The following SCAPER variants were observed in gnomAD, a reference collection of about 807,000 sequenced individuals.
SCAPER encodes S phase cyclin A-associated protein in the endoplasmic reticulum.
Under a neutral mutation model 182.2 loss-of-function variants are expected in SCAPER, and 98 were observed. The observed-to-expected ratio is 0.54, with a 90% confidence interval of 0.46 to 0.64. The LOEUF is 0.64. SCAPER is among the 30% of genes least tolerant of loss of function. SCAPER has a pLI of 0.00. For missense variants in SCAPER, 1,432 were observed against 1,690.0 expected (o/e 0.85, Z 2.68); for synonymous variants, 605 against 564.6 (o/e 1.07, Z -1.01).
At chr15:76,813,973 G>A (rs62029182) in intron 5 of SCAPER, among the ~76,000 whole-genome samples, 10,207 of 152,040 alleles carry the variant, frequency 0.067, 379 homozygotes, top group Middle Eastern at 0.11. Flanking sequence ...TTCGAGATCC[G>A]CCTGGCCAAC....
chr15:76,468,733 G>A (rs1352766350), intron 25 of SCAPER, among the ~76,000 whole-genome samples: 1 of 152,108 alleles, frequency 6.6e-6, no homozygotes, highest in Non-Finnish European at 1.5e-5. Context: ...ACTAGGGTCC[G>A]AATGCTGTGT....
intron 5 of SCAPER, among the ~76,000 whole-genome samples, chr15:76,824,295 C>T (rs78822715): frequency 0.018 from 2,694 of 152,256 alleles, 37 homozygotes; most frequent in Non-Finnish European, 0.026. Context: ...TTGGCTGCAA[C>T]GGATTTGATT....
chr15:76,820,465 C>A (rs1007416843), intron 5 of SCAPER, among the ~76,000 whole-genome samples: 4 of 152,014 alleles, frequency 2.6e-5, no homozygotes, highest in African/African-American at 9.7e-5. Context: ...TGGAAACCAT[C>A]ATTCTCAGCA....
At chr15:76,601,216 T>C (rs2049913695) in intron 22 of SCAPER, among the ~76,000 whole-genome samples, 1 of 121,720 alleles carries the variant, frequency 8.2e-6, no homozygotes, top group African/African-American at 2.5e-5. Context: ...GATACGTATG[T>C]GAGTTTTCTT....
At chr15:76,524,222 A>T (rs1440661525) in intron 23 of SCAPER, among the ~76,000 whole-genome samples, 1 of 152,172 alleles carries the variant, frequency 6.6e-6, no homozygotes, top group Non-Finnish European at 1.5e-5. Flanking sequence ...CCAGCCATGC[A>T]CGCAACATTT....
At chr15:76,467,404 C>T (rs1326639300) in intron 25 of SCAPER, among the ~76,000 whole-genome samples, 1 of 151,022 alleles carries the variant, frequency 6.6e-6, no homozygotes, top group Non-Finnish European at 1.5e-5. Context: ...CCACTCTTCT[C>T]TCTCCCTCCC....
At chr15:76,449,371 T>C (rs548148933) in intron 25 of SCAPER, among the ~76,000 whole-genome samples, 41 of 152,356 alleles carry the variant, frequency 2.7e-4, no homozygotes, top group Non-Finnish European at 5.1e-4. Flanking sequence ...TTCTATACCT[T>C]AGATGAAAGT....
intron 23 of SCAPER, among the ~76,000 whole-genome samples, chr15:76,559,327 A>G (rs2046429057): frequency 6.7e-6 from 1 of 148,966 alleles, no homozygotes; most frequent in Non-Finnish European, 1.5e-5. Context: ...AAGTGCTGGG[A>G]TTACAGTTGT....
intron 26 of SCAPER, among the ~76,000 whole-genome samples, chr15:76,420,359 C>T (rs963477734): frequency 2.7e-5 from 4 of 150,902 alleles, no homozygotes; most frequent in East Asian, 3.9e-4. Context: ...ACTACAGATG[C>T]ACACCACTAT....
At chr15:76,607,117 G>A (rs1056031926) in intron 22 of SCAPER, among the ~76,000 whole-genome samples, 2 of 152,160 alleles carry the variant, frequency 1.3e-5, no homozygotes, top group Non-Finnish European at 2.9e-5. Context: ...AGCCTTGATG[G>A]TCTTTACAAT....
At chr15:76,766,819 C>A (rs1449983031) in intron 11 of SCAPER, 99 bp downstream of exon 11, 2 of 899,418 alleles carry the variant, frequency 2.2e-6, no homozygotes, top group Admixed American at 3.2e-5. Flanking sequence ...ATAAATAATT[C>A]TAAATAGGAC....
chr15:76,486,967 A>C (rs2051713328), intron 24 of SCAPER, among the ~76,000 whole-genome samples: 1 of 152,226 alleles, frequency 6.6e-6, no homozygotes, highest in East Asian at 1.9e-4. Context: ...AATTAAGAAA[A>C]TCTGGTACAT....
At chr15:76,532,827 T>C (rs779543278) in intron 23 of SCAPER, among the ~76,000 whole-genome samples, 2 of 151,994 alleles carry the variant, frequency 1.3e-5, no homozygotes, top group South Asian at 2.1e-4. Flanking sequence ...GATTAACAAG[T>C]GATGATGCCT....
intron 22 of SCAPER, among the ~76,000 whole-genome samples, chr15:76,621,160 T>A (rs114845277): frequency 1.4e-3 from 217 of 152,316 alleles, no homozygotes; most frequent in African/African-American, 5.1e-3. Flanking sequence ...CTGTACTCCC[T>A]TCAATAGTGT....
At chr15:76,475,767 C>G (rs533339983) in intron 24 of SCAPER, among the ~76,000 whole-genome samples, 120 of 152,286 alleles carry the variant, frequency 7.9e-4, no homozygotes, top group African/African-American at 2.8e-3. Flanking sequence ...TTCAAAGACC[C>G]TTGAAAGCGT....
At chr15:76,851,902 A>C (rs890575352) in intron 4 of SCAPER, among the ~76,000 whole-genome samples, 2 of 151,984 alleles carry the variant, frequency 1.3e-5, no homozygotes, top group African/African-American at 4.8e-5. Flanking sequence ...AAGTTGGATT[A>C]AAAAAAACAA....
Position 76,829,459 on chromosome 15 carries a change from C to T in SCAPER, c.393+12275G>A, listed in dbSNP as rs141068384. ...CTATAGAGAATCCATGTTACTCACT[C>T]CTCCATGTCCAAGGAGTATTTGTAA... is the stretch of plus-strand genomic sequence containing the variant. On this transcript the variant is annotated intron_variant, in intron 5 of 31. Transcript: ENST00000563290. Among the ~76,000 whole-genome samples, 230 of 152,286 alleles carry T rather than the reference C, an allele frequency of 1.5e-3. 2 individuals carry two copies. Among genetic ancestry groups the T allele is most frequent in the African/African-American group, 5.0e-3 (209 of 41,560 alleles).
chr15:76,652,367 CACACAT>C (rs1386599801), intron 21 of SCAPER, among the ~76,000 whole-genome samples: 4 of 23,866 alleles, frequency 1.7e-4, no homozygotes, highest in African/African-American at 4.6e-4. Context: ...CACACACACA[CACACAT>C]ATATATATAT....
chr15:76,839,168 G>A (rs2069220168), intron 5 of SCAPER, among the ~76,000 whole-genome samples: 1 of 152,164 alleles, frequency 6.6e-6, no homozygotes, highest in South Asian at 2.1e-4. Context: ...GGGCAAACAG[G>A]AAAGATACTT....
Sources: allele counts gnomAD v4.1 joint callset (sites outside exome capture counted in the v4.1 genomes callset), GRCh38; gene constraint gnomAD v4.1.1; transcripts MANE v1.5; gene names NCBI Gene and HGNC (gene_info 2026-07-23, HGNC 2026-07-21).